Variants in TACC2 observed in about 807,000 individuals in gnomAD.
The protein encoded by TACC2 is transforming acidic coiled-coil-containing protein 2.
Under a neutral mutation model 227.3 loss-of-function variants are expected in TACC2, and 137 were observed. The observed-to-expected ratio is 0.60, with a 90% CI of 0.52 to 0.69. The LOEUF is 0.69. TACC2 is among the 30% of genes least tolerant of loss of function. TACC2 has a pLI of 0.00. For synonymous variants in TACC2, 1,523 were observed against 1,487.5 expected, an observed-to-expected ratio of 1.02 and a Z score of -0.55; for missense variants, 3,470 against 3,694.4, an observed-to-expected ratio of 0.94 and a Z score of 1.57.
Position 122,086,154 on chromosome 10 carries a change from C to A in TACC2, c.3654C>A (p.Asp1218Glu). 1.9e-6 allele frequency: 3 copies of A among 1,613,674 alleles called. No individual in the cohort carries two copies. The highest frequency in any genetic ancestry group is 2.5e-6 in the Non-Finnish European group (3 of 1,179,992). ...TTTCTACACACCAGGCTGTCCCAGACCCAAAGGAGCTCCTGCTGTCTGGGC... is the reference window on the plus strand; with the variant it reads ...TTTCTACACACCAGGCTGTCCCAGAACCAAAGGAGCTCCTGCTGTCTGGGC... ...MDFSTHQAVP[D>E]PKELLLSGPP... Residue 1218 changes from aspartate to glutamate, a missense_variant, in exon 4 of 23, where the codon GAC becomes GAA. Asp to Glu is a conservative substitution (Grantham distance 45). This residue lies in a region of TACC2 where 1,924 missense variants were observed against 1,978.3 expected (regional missense o/e 0.97). Coordinates refer to ENST00000369005, the MANE Select transcript of TACC2 (RefSeq NM_206862.4).
intron 7 of TACC2, among the ~76,000 whole-genome samples, chr10:122,170,263 CTTTTTTTTTTTT>C (rs34194262): frequency 1.6e-5 from 1 of 63,198 alleles, no homozygotes; most frequent in East Asian, 6.4e-4. Flanking sequence ...ATGATCAAGT[CTTTTTTTTTTTT>C]TTTTTTTTTT....
chr10:122,164,367 G>A (rs192704956), intron 7 of TACC2, among the ~76,000 whole-genome samples: 2 of 141,458 alleles, frequency 1.4e-5, no homozygotes, highest in Admixed American at 7.8e-5. Context: ...TGGCAGCTCC[G>A]TGCCCGGGGC....
chr10:122,084,309 C>T lies in TACC2; in HGVS notation c.1809C>T (p.Ser603=), dbSNP rs758516019. The change falls in exon 4 of 23, where the codon AGC becomes AGT. Residue 603 remains serine (S), a synonymous_variant. Transcript: ENST00000369005. ...AAGGAGAGGACTCTCAGGCTTTCAG[C>T]AGCAAGCGTGATCCAGAAGTAGGCA... ...NLQGEDSQAF[S]SKRDPEVGKD... 4.3e-6 allele frequency: 7 copies of T among 1,613,834 alleles called. No individual in the cohort carries two copies. The African/African-American group carries it at 5.3e-5, about 12-fold the overall frequency.
intron 19 of TACC2, among the ~76,000 whole-genome samples, chr10:122,242,639 T>C (rs1215648149): frequency 6.6e-6 from 1 of 152,202 alleles, no homozygotes; most frequent in Non-Finnish European, 1.5e-5. Flanking sequence ...CTGGGCCTTT[T>C]TTTCTTTTCT....
At position 122,210,298 on chromosome 10, in the gene TACC2, G is replaced by C. The variant is rs780311809; in HGVS notation, c.5972-99G>C. ...GCGGGGTGGCCTGGGGCCGTGGTTT[G>C]TCAACCCCTACGCTGGAGGGTGATG... On this transcript the variant is annotated intron_variant, in intron 8 of 22. Coordinates refer to ENST00000369005, the MANE Select transcript of TACC2 (RefSeq NM_206862.4). The surrounding 1 kb of genome is among the most constrained non-coding windows in gnomAD (Gnocchi z 4.6). 1.0e-6 allele frequency: 1 copy of C among 994,456 alleles called. No individual in the cohort carries two copies. Among genetic ancestry groups the C allele is most frequent in the Non-Finnish European group, 1.6e-6 (1 of 640,032 alleles). 61.6% of individuals were successfully genotyped at this position (994,456 alleles called of 1,614,324 possible). A position where few individuals can be genotyped will look rare whatever the true frequency, so the allele number is the denominator to read the frequency against.
chr10:122,086,834 C>A lies in TACC2; in HGVS notation c.4334C>A (p.Pro1445Gln). 6.2e-7 allele frequency: 1 copy of A among 1,613,964 alleles called. No individual in the cohort carries two copies. Among genetic ancestry groups the A allele is most frequent in the Non-Finnish European group, 8.5e-7 (1 of 1,179,986 alleles). ...GCAGTGGGTAAAGACCTCACCAGGC[C>A]ATTGGGCCCAGAGAAGCTTCTAGAT... ...RSAVGKDLTR[P>Q]LGPEKLLDGP... Residue 1445 changes from proline to glutamine, a missense_variant, in exon 4 of 23, where the codon CCA becomes CAA. Around this residue, in one of 10 missense-constraint regions of TACC2, gnomAD observed 1,924 missense variants for 1,978.3 expected, o/e 0.97. Coordinates refer to ENST00000369005, the MANE Select transcript of TACC2 (RefSeq NM_206862.4).
At chr10:122,250,144 G>A (rs1022545234) in intron 22 of TACC2, among the ~76,000 whole-genome samples, 6 of 152,182 alleles carry the variant, frequency 3.9e-5, no homozygotes, top group South Asian at 2.1e-4. Context: ...GAGCTTGTGC[G>A]CAGGTTTCCT....
chr10:122,122,364 A>C (rs1420493507), intron 5 of TACC2, among the ~76,000 whole-genome samples: 1 of 152,178 alleles, frequency 6.6e-6, no homozygotes, highest in Non-Finnish European at 1.5e-5. Flanking sequence ...TCAAAAAATA[A>C]ATAAATAAAT....
chr10:122,161,326 A>G (rs1437920235), intron 7 of TACC2, among the ~76,000 whole-genome samples: 1 of 152,124 alleles, frequency 6.6e-6, no homozygotes, highest in Non-Finnish European at 1.5e-5. Flanking sequence ...ATAACTTTGC[A>G]GTTGTTGGGA....
At chr10:122,178,633 C>A (rs1252173406) in intron 7 of TACC2, among the ~76,000 whole-genome samples, 4 of 152,160 alleles carry the variant, frequency 2.6e-5, no homozygotes, top group Non-Finnish European at 5.9e-5. Flanking sequence ...CCTGTAATCC[C>A]AGCACTTTGA....
intron 19 of TACC2, chr10:122,247,542 T>C (rs953539984): frequency 5.3e-5 from 8 of 151,984 alleles, no homozygotes; most frequent in Non-Finnish European, 1.2e-4. Flanking sequence ...TTCCCATAAG[T>C]GTAGAAATGA....
At chr10:122,154,488 C>T (rs1262587637) in intron 7 of TACC2, among the ~76,000 whole-genome samples, 1 of 152,246 alleles carries the variant, frequency 6.6e-6, no homozygotes, top group African/African-American at 2.4e-5. Context: ...ATAGCCTCTG[C>T]AGGCTGTTAG....
At chr10:122,249,441 C>T (rs942836405) in intron 21 of TACC2, 103 bp from the exon 22 acceptor site, 4 of 1,488,650 alleles carry the variant, frequency 2.7e-6, no homozygotes, top group Non-Finnish European at 9.1e-7. Flanking sequence ...TTGGTGGCAG[C>T]TGGGGCCAGA....
In TACC2 at chr10:122,249,173, G is replaced by A. The variant is rs1180754901; in HGVS notation, c.8660+17G>A. The A allele has an allele frequency of 3.2e-6, 5 of 1,578,760 alleles. No homozygotes were observed. Among genetic ancestry groups the A allele is most frequent in the African/African-American group, 1.3e-5 (1 of 74,622 alleles). ...ACTGGACAGGTAACATTTAGCCACTGGGGGTGGCTCCCAGGGGCCTCCCAG... is the reference window on the plus strand; with the variant it reads ...ACTGGACAGGTAACATTTAGCCACTAGGGGTGGCTCCCAGGGGCCTCCCAG... On this transcript the variant is annotated intron_variant, in intron 21 of 22. Coordinates refer to ENST00000369005, the MANE Select transcript of TACC2 (RefSeq NM_206862.4).
At chr10:122,067,650 G>A (rs183355900) in intron 3 of TACC2, among the ~76,000 whole-genome samples, 16 of 152,088 alleles carry the variant, frequency 1.1e-4, no homozygotes, top group African/African-American at 3.6e-4. Flanking sequence ...GGAATTATAG[G>A]CGTATGCCAC....
chr10:122,094,499 G>A (rs912693077), intron 5 of TACC2, among the ~76,000 whole-genome samples: 3 of 152,074 alleles, frequency 2.0e-5, no homozygotes, highest in Admixed American at 6.6e-5. Context: ...GGCTGGTCTC[G>A]AACTCCCAGC....
chr10:122,098,565 G>A (rs1459034269), intron 5 of TACC2, among the ~76,000 whole-genome samples: 2 of 152,164 alleles, frequency 1.3e-5, no homozygotes, highest in South Asian at 2.1e-4. Context: ...CCTGAAAGAT[G>A]TGTATAATGC....
Position 122,129,055 on chromosome 10 carries a change from A to ATTTT in TACC2, c.5574-3553_5574-3550dup, listed in dbSNP as rs201137844. On this transcript the variant is annotated intron_variant, in intron 5 of 22. Transcript: ENST00000369005. ...ATCTAGATACATGAAGATCTATCTTATTTTAATTATTATTATTATTATTAT... is the reference window on the plus strand; with the variant it reads ...ATCTAGATACATGAAGATCTATCTTATTTTTTTTAATTATTATTATTATTATTAT... 5.3e-3 allele frequency among the ~76,000 whole-genome samples: 505 copies of ATTTT among 94,548 alleles called. 1 individual carries two copies. Among genetic ancestry groups the ATTTT allele is most frequent in the African/African-American group, 0.012 (405 of 32,414 alleles). The allele number at this position is 94,548 out of a possible 152,430, so 62.0% of individuals were successfully genotyped here.
chr10:121,990,958 T>A (rs1421977161), intron 1 of TACC2, among the ~76,000 whole-genome samples: 1 of 152,144 alleles, frequency 6.6e-6, no homozygotes, highest in East Asian at 1.9e-4. Context: ...CAGCTAATTT[T>A]TGTATTTTTA....
Sources: gnomAD v4.1 joint callset for allele counts (sites outside exome capture counted in the v4.1 genomes callset) on GRCh38, gnomAD v4.1.1 for gene constraint, gnomAD v4.1.1 regional missense constraint, Gnocchi (gnomAD v3.1) non-coding constraint, MANE v1.5 for transcripts, NCBI Gene and HGNC (gene_info 2026-07-23, HGNC 2026-07-21) for gene names.